Variants in RUSC2 observed in about 807,000 individuals in gnomAD.
The protein encoded by RUSC2 is RUN and SH3 domain containing 2.
In RUSC2, 34 loss-of-function variants were observed where a neutral mutation model predicts 122.2. The observed-to-expected ratio is 0.28, with a 90% CI of 0.21 to 0.37. RUSC2 has a LOEUF of 0.37. RUSC2 is among the 10% of genes least tolerant of loss of function. The pLI is 1.00. For synonymous variants in RUSC2, 784 were observed against 790.0 expected, an observed-to-expected ratio of 0.99 and a Z score of 0.13; for missense variants, 1,747 against 1,952.4, an observed-to-expected ratio of 0.89 and a Z score of 1.98.
intron 1 of RUSC2, among the ~76,000 whole-genome samples, chr9:35,535,721 T>C (rs1821512805): frequency 6.6e-6 from 1 of 151,754 alleles, no homozygotes; most frequent in East Asian, 2.0e-4. Flanking sequence ...TTTGTATTTT[T>C]AGTAGAGACG....
chr9:35,531,584 C>T (rs990296114), intron 1 of RUSC2, among the ~76,000 whole-genome samples: 2 of 152,188 alleles, frequency 1.3e-5, no homozygotes, highest in Non-Finnish European at 2.9e-5. Context: ...GACTGAGTTA[C>T]ATTGGGAAGA....
At chr9:35,531,738 T>C (rs774620081) in intron 1 of RUSC2, among the ~76,000 whole-genome samples, 5 of 152,070 alleles carry the variant, frequency 3.3e-5, no homozygotes, top group Non-Finnish European at 7.4e-5. Flanking sequence ...AAACAGGAAA[T>C]TGTTGGGCTG....
At chr9:35,525,832 CCCAGCATTT>C (rs2132523720) in intron 1 of RUSC2, among the ~76,000 whole-genome samples, 1 of 152,202 alleles carries the variant, frequency 6.6e-6, no homozygotes, top group South Asian at 2.1e-4. Flanking sequence ...TGCCTGTAAC[CCCAGCATTT>C]TGTGAGGCCT....
In RUSC2 at chr9:35,561,207, TGGCCACC is replaced by T. The variant is rs1258744911; in HGVS notation, c.4381_4387del (p.Thr1461LeufsTer4). 4 of 1,614,028 alleles carry T rather than the reference TGGCCACC, an allele frequency of 2.5e-6. No individual in the cohort carries two copies. The highest frequency in any genetic ancestry group is 3.4e-6 in the Non-Finnish European group (4 of 1,180,016). ...GAGGTGCAGGCACTGTGCCACCACC[TGGCCACC>T]GGCCCTGGACAGCTGAGCTTCCACA... On this transcript the variant is annotated frameshift_variant, in exon 12 of 12. Transcript: ENST00000361226. LOFTEE classifies it high-confidence loss of function.
chr9:35,504,613 G>A (rs1564244698), intron 1 of RUSC2, among the ~76,000 whole-genome samples: 1 of 151,892 alleles, frequency 6.6e-6, no homozygotes. Context: ...TTACAGGTGT[G>A]CGCCACCACG....
At chr9:35,491,886 C>T (rs7846774) in intron 1 of RUSC2, among the ~76,000 whole-genome samples, 98,682 of 151,946 alleles carry the variant, frequency 0.65, 32,478 homozygotes, top group Non-Finnish European at 0.7. Flanking sequence ...GGCAGGAGAA[C>T]CCCTTGAACC....
chr9:35,551,235 G>C (rs1821887865), intron 2 of RUSC2, among the ~76,000 whole-genome samples: 1 of 152,186 alleles, frequency 6.6e-6, no homozygotes, highest in Non-Finnish European at 1.5e-5. Context: ...ATCTCAGAGG[G>C]TTTAGAAGGA....
At chr9:35,531,197 C>G (rs966168128) in intron 1 of RUSC2, among the ~76,000 whole-genome samples, 2 of 152,086 alleles carry the variant, frequency 1.3e-5, no homozygotes, top group Non-Finnish European at 2.9e-5. Flanking sequence ...GGAAGCGGAG[C>G]TTGCAGTGAG....
chr9:35,501,191 C>T (rs1015628803), intron 1 of RUSC2, among the ~76,000 whole-genome samples: 1 of 152,236 alleles, frequency 6.6e-6, no homozygotes, highest in South Asian at 2.1e-4. Context: ...GAGAAGTAGT[C>T]TAACCTGTTC....
intron 1 of RUSC2, among the ~76,000 whole-genome samples, chr9:35,543,078 A>G (rs1821673377): frequency 6.6e-6 from 1 of 152,200 alleles, no homozygotes; most frequent in South Asian, 2.1e-4. Flanking sequence ...GATTATGGCC[A>G]GGACTCCAGG....
intron 1 of RUSC2, among the ~76,000 whole-genome samples, chr9:35,517,031 T>C (rs1387018505): frequency 6.6e-6 from 1 of 152,216 alleles, no homozygotes; most frequent in Non-Finnish European, 1.5e-5. Context: ...TACATACAAT[T>C]ATAAATTGTA....
chr9:35,490,617 C>T (rs1471349092), intron 1 of RUSC2, among the ~76,000 whole-genome samples: 1 of 152,188 alleles, frequency 6.6e-6, no homozygotes, highest in Non-Finnish European at 1.5e-5. Context: ...CAGCGGGGGC[C>T]TCCCTACTGC....
intron 1 of RUSC2, among the ~76,000 whole-genome samples, chr9:35,497,327 A>G (rs1327815963): frequency 3.3e-5 from 5 of 152,176 alleles, no homozygotes; most frequent in Admixed American, 6.5e-5. Flanking sequence ...CCCCTTACTG[A>G]TATGACCCCA....
At chr9:35,505,869 ACCCACAGCTAACATCATTCTT>A (rs1336397372) in intron 1 of RUSC2, among the ~76,000 whole-genome samples, 2 of 152,284 alleles carry the variant, frequency 1.3e-5, no homozygotes, top group East Asian at 3.9e-4. Flanking sequence ...TCTACAAAAA[ACCCACAGCTAACATCATTCTT>A]AAGGTGAAAG....
chr9:35,504,707 C>CA (rs1283497157), intron 1 of RUSC2, among the ~76,000 whole-genome samples: 2 of 152,208 alleles, frequency 1.3e-5, no homozygotes, highest in African/African-American at 4.8e-5. Context: ...TCAAGTGATC[C>CA]ACCTGCCTCA....
At chr9:35,496,480 C>G (rs1480983715) in intron 1 of RUSC2, among the ~76,000 whole-genome samples, 1 of 152,186 alleles carries the variant, frequency 6.6e-6, no homozygotes, top group Non-Finnish European at 1.5e-5. Flanking sequence ...ATCAAGCTTG[C>G]ACTTGGCCAG....
Position 35,558,733 on chromosome 9 carries a change from G to A in RUSC2, c.3341+166G>A, listed in dbSNP as rs1361280762. Reference sequence around the variant, plus strand: ...CAGTAGGTCACTGCCTCCCCACTGTGCCCATGACTCTGTCACTGGTCACCA... The same window carrying A: ...CAGTAGGTCACTGCCTCCCCACTGTACCCATGACTCTGTCACTGGTCACCA... On this transcript the variant is annotated intron_variant, in intron 8 of 11. Transcript: ENST00000361226. This position sits in a 1 kb window ranked among gnomAD's most constrained non-coding sequence, Gnocchi z 4.3. Among the ~76,000 whole-genome samples the A allele has an allele frequency of 2.0e-5, 3 of 152,160 alleles. No homozygotes were observed. The highest frequency in any genetic ancestry group is 7.2e-5 in the African/African-American group (3 of 41,432).
At chr9:35,491,169 GT>G (rs1820560565) in intron 1 of RUSC2, among the ~76,000 whole-genome samples, 1 of 152,120 alleles carries the variant, frequency 6.6e-6, no homozygotes. Flanking sequence ...TCCTAGGTGG[GT>G]GACCTGAGCA....
intron 1 of RUSC2, among the ~76,000 whole-genome samples, chr9:35,511,807 A>G (rs547138655): frequency 1.3e-5 from 2 of 152,326 alleles, no homozygotes; most frequent in African/African-American, 4.8e-5. Flanking sequence ...TAATTCTTCT[A>G]TTTTTAACTC....
Sources: allele counts gnomAD v4.1 joint callset (sites outside exome capture counted in the v4.1 genomes callset), GRCh38; gene constraint gnomAD v4.1.1; non-coding constraint Gnocchi (gnomAD v3.1); transcripts MANE v1.5; gene names NCBI Gene and HGNC (gene_info 2026-07-23, HGNC 2026-07-21).